The following PTPRF variants were observed in gnomAD, a reference collection of about 807,000 sequenced individuals.
The protein encoded by PTPRF is receptor-type tyrosine-protein phosphatase F.
Under a neutral mutation model 201.8 loss-of-function variants are expected in PTPRF, and 59 were observed. That is an observed-to-expected ratio of 0.29 (90% CI 0.24 to 0.36). The LOEUF is 0.36. PTPRF is among the 10% of genes least tolerant of loss of function. The pLI, the probability that PTPRF is intolerant of heterozygous loss-of-function variation, is 1.00. For missense variants in PTPRF, 2,132 were observed against 2,690.5 expected (o/e 0.79, Z 4.59); for synonymous variants, 1,088 against 1,089.7 (o/e 1.00, Z 0.03).
At chr1:43,590,901 T>C in intron 8 of PTPRF, 71 bp from the exon 9 acceptor site, 2 of 1,370,010 alleles carry the variant, frequency 1.5e-6, no homozygotes, top group Non-Finnish European at 2.0e-6. Flanking sequence ...TCCTGGATAA[T>C]CCCCAAGTCT....
Position 43,554,894 on chromosome 1 carries a change from C to T in PTPRF, c.379+953C>T, listed in dbSNP as rs1399047691. On this transcript the variant is annotated intron_variant, in intron 5 of 33. Coordinates refer to ENST00000359947, the MANE Select transcript of PTPRF (RefSeq NM_002840.5). This position sits in a 1 kb window ranked among gnomAD's most constrained non-coding sequence, Gnocchi z 4.1. ...TTGAGATGCAGTCTCACTCTTGTTG[C>T]CCAGGCTGGAGTGCAATGGTGTGAT... is the stretch of plus-strand genomic sequence containing the variant. Among the ~76,000 whole-genome samples the T allele has an allele frequency of 6.8e-6, 1 of 147,878 alleles. No homozygotes were observed. Among genetic ancestry groups the T allele is most frequent in the Non-Finnish European group, 1.5e-5 (1 of 67,482 alleles).
At position 43,605,217 on chromosome 1, in the gene PTPRF, G is replaced by T. The variant is rs372260512; in HGVS notation, c.3163G>T (p.Val1055Leu). 4.4e-6 allele frequency: 7 copies of T among 1,604,570 alleles called. No homozygotes were observed. The African/African-American group carries it at 8.0e-5, about 18-fold the overall frequency. Residue 1055 changes from valine to leucine, a missense_variant, in exon 18 of 34, where the codon GTG (valine) becomes TTG (leucine). By Grantham distance (32) the Val-to-Leu change is conservative (BLOSUM62 1). Coordinates refer to ENST00000359947, the MANE Select transcript of PTPRF (RefSeq NM_002840.5). ...TCTGTACAATGGGCAGAGTGTGGAGGTGGACGGGCACTCGATGCGGAAGCT... is the reference window on the plus strand; with the variant it reads ...TCTGTACAATGGGCAGAGTGTGGAGTTGGACGGGCACTCGATGCGGAAGCT... Reference protein sequence around the residue: ...KILYNGQSVEVDGHSMRKLIA... With the variant: ...KILYNGQSVELDGHSMRKLIA...
In PTPRF at chr1:43,542,923, TG is replaced by T. The variant is rs1389656431; in HGVS notation, c.-45-2103del. On this transcript the variant is annotated intron_variant, in intron 2 of 33. Coordinates refer to ENST00000359947, the MANE Select transcript of PTPRF (RefSeq NM_002840.5). This position sits in a 1 kb window ranked among gnomAD's most constrained non-coding sequence, Gnocchi z 5.2. ...TCATAGCAGGGAGATATGCTCATGCTGGGGGCCTATGTCCCTATGAAGCCTG... is the reference window on the plus strand; with the variant it reads ...TCATAGCAGGGAGATATGCTCATGCTGGGGCCTATGTCCCTATGAAGCCTG... 6.6e-6 allele frequency among the ~76,000 whole-genome samples: 1 copy of T among 152,170 alleles called. No individual in the cohort carries two copies. The highest frequency in any genetic ancestry group is 1.9e-4 in the East Asian group (1 of 5,196).
chr1:43,539,736 T>A (rs1644246201), intron 2 of PTPRF, among the ~76,000 whole-genome samples: 1 of 152,090 alleles, frequency 6.6e-6, no homozygotes, highest in South Asian at 2.1e-4. Context: ...CTGACCTAAC[T>A]CGAAGTCCAG....
upstream of PTPRF, among the ~76,000 whole-genome samples, chr1:43,523,822 C>T (rs556885591): frequency 1.3e-4 from 19 of 150,760 alleles, no homozygotes; most frequent in African/African-American, 4.4e-4. Flanking sequence ...CCAAGGCGGA[C>T]AGATCACTTG....
chr1:43,618,654 G>T lies in PTPRF; in HGVS notation c.4396G>T (p.Ala1466Ser). Reference sequence around the variant, plus strand: ...GGTAAAATGTGATCAGTACTGGCCAGCCCGTGGCACCGAGACCTGTGGCCT... The same window carrying T: ...GGTAAAATGTGATCAGTACTGGCCATCCCGTGGCACCGAGACCTGTGGCCT... ...SRVKCDQYWP[A>S]RGTETCGLIQ... Residue 1466 changes from alanine (A) to serine (S), a missense_variant, in exon 26 of 34, where the codon GCC becomes TCC. By Grantham distance (99) the Ala-to-Ser change is moderately conservative. Transcript: ENST00000359947. The T allele has an allele frequency of 1.2e-6, 2 of 1,612,158 alleles. No homozygotes were observed. The highest frequency in any genetic ancestry group is 1.7e-6 in the Non-Finnish European group (2 of 1,178,398).
intron 1 of PTPRF, among the ~76,000 whole-genome samples, chr1:43,533,077 T>G (rs1016330202): frequency 9.9e-5 from 15 of 152,222 alleles, no homozygotes; most frequent in Admixed American, 6.5e-5. Context: ...TGAAATGTCT[T>G]TATAGTGTTT....
upstream of PTPRF, among the ~76,000 whole-genome samples, chr1:43,527,222 A>G (rs11577317): frequency 0.32 from 49,039 of 152,072 alleles, 8,174 homozygotes; most frequent in East Asian, 0.49. Flanking sequence ...CAATGACCAC[A>G]TGGTGCCACT....
chr1:43,607,319 C>T (rs1398083066), intron 21 of PTPRF, among the ~76,000 whole-genome samples: 1 of 152,238 alleles, frequency 6.6e-6, no homozygotes, highest in Non-Finnish European at 1.5e-5. Context: ...GAGCTCCTAC[C>T]TCGAGTCCTT....
chr1:43,607,684 C>T (rs1051178193), intron 21 of PTPRF, among the ~76,000 whole-genome samples: 2 of 152,234 alleles, frequency 1.3e-5, no homozygotes, highest in Admixed American at 6.5e-5. Context: ...CTAATCTGAC[C>T]CCTGCCACAC....
chr1:43,541,334 A>C (rs1424022085), intron 2 of PTPRF, among the ~76,000 whole-genome samples: 3 of 152,222 alleles, frequency 2.0e-5, no homozygotes, highest in African/African-American at 7.2e-5. Flanking sequence ...CCAGCCAGGG[A>C]AGCCCCCATC....
In PTPRF at chr1:43,604,029, C is replaced by T. The variant is rs968988486; in HGVS notation, c.2877C>T (p.Asn959=). ...ACACCGTGGTGTTCCGAGACATCAA[C>T]AGCCAACAGGAGCTGCAGAACATCA... The part of the protein sequence containing the change: ...ISYTVVFRDI[N]SQQELQNITT... Residue 959 remains asparagine, a synonymous_variant, in exon 16 of 34, where the codon AAC becomes AAT. Coordinates refer to ENST00000359947, the MANE Select transcript of PTPRF (RefSeq NM_002840.5). The T allele has an allele frequency of 1.9e-6, 3 of 1,614,252 alleles. No individual in the cohort carries two copies. The highest frequency in any genetic ancestry group is 2.2e-5 in the East Asian group (1 of 44,890).
chr1:43,610,939 C>CTT (rs1355400910), intron 22 of PTPRF, among the ~76,000 whole-genome samples: 1 of 152,220 alleles, frequency 6.6e-6, no homozygotes, highest in Non-Finnish European at 1.5e-5. Context: ...CCTATGGTTG[C>CTT]TTTTGCACTG....
rs549310122 is a variant in PTPRF at position 43,590,650 on chromosome 1, T to C, written c.950-322T>C. 3.9e-5 allele frequency among the ~76,000 whole-genome samples: 6 copies of C among 152,338 alleles called. No homozygotes were observed. In the East Asian group the frequency reaches 1.2e-3, roughly 29 times the overall value. On this transcript the variant is annotated intron_variant, in intron 8 of 33. Transcript: ENST00000359947. ...TGGGTGTCTTTCATCTACATGGGAC[T>C]GCAAGGGTCACATCACCTCCAGGTC...
chr1:43,552,870 G>C (rs576143930), intron 3 of PTPRF, among the ~76,000 whole-genome samples: 108 of 151,300 alleles, frequency 7.1e-4, no homozygotes, highest in African/African-American at 2.4e-3. Flanking sequence ...AGTCGGGGGG[G>C]AGGGATGGGA....
rs777362958 is a variant in PTPRF, at chr1:43,597,838, G to A, written c.1904G>A (p.Arg635His). 1.2e-5 allele frequency: 20 copies of A among 1,607,606 alleles called. No homozygotes were observed. The highest frequency in any genetic ancestry group is 4.5e-5 in the South Asian group (4 of 89,364). ...TGGGTCCCGCCGCCTGCCGACAGCCGCAACGGCGTTATCACCCAGTACTCC... is the reference window on the plus strand; with the variant it reads ...TGGGTCCCGCCGCCTGCCGACAGCCACAACGGCGTTATCACCCAGTACTCC... ...VSWVPPPADS[R>H]NGVITQYSVA... The change falls in exon 12 of 34, where the codon CGC (arginine) becomes CAC (histidine). Residue 635 changes from arginine (R) to histidine (H), a missense_variant. By Grantham distance (29) the Arg-to-His change is conservative (BLOSUM62 0). Coordinates refer to ENST00000359947, the MANE Select transcript of PTPRF (RefSeq NM_002840.5).
chr1:43,590,937 C>T, intron 8 of PTPRF, 35 bp from the exon 9 acceptor site: 1 of 1,561,910 alleles, frequency 6.4e-7, no homozygotes, highest in South Asian at 1.2e-5. Flanking sequence ...GGATCTTGAC[C>T]TCGGGCAGCT....
At chr1:43,612,209 G>A (rs1472594230) in intron 22 of PTPRF, among the ~76,000 whole-genome samples, 1 of 152,188 alleles carries the variant, frequency 6.6e-6, no homozygotes, top group Non-Finnish European at 1.5e-5. Context: ...GGCTTTGGCA[G>A]ATGGGGCCTT....
chr1:43,534,427 C>T (rs1026342132), intron 1 of PTPRF, among the ~76,000 whole-genome samples: 1 of 152,114 alleles, frequency 6.6e-6, no homozygotes, highest in Non-Finnish European at 1.5e-5. Context: ...AAGATGCTGG[C>T]TTTGATAGGT....
Sources: gnomAD v4.1 joint callset for allele counts (sites outside exome capture counted in the v4.1 genomes callset) on GRCh38, gnomAD v4.1.1 for gene constraint, Gnocchi (gnomAD v3.1) non-coding constraint, MANE v1.5 for transcripts, NCBI Gene and HGNC (gene_info 2026-07-23, HGNC 2026-07-21) for gene names.